Variants in KCNE2 observed in about 807,000 individuals in gnomAD.
The protein encoded by KCNE2 is potassium voltage-gated channel subfamily E regulatory subunit 2, also known as potassium voltage-gated channel subfamily E member 2.
KCNE2 carries 4 observed loss-of-function variants against 4.5 expected under a neutral mutation model. That is an observed-to-expected ratio of 0.89 (90% confidence interval 0.44 to 2.03). The LOEUF (loss-of-function observed/expected upper bound fraction) is 2.03. Among genes scored for constraint, KCNE2 ranks in the 30% most tolerant of loss-of-function variants. The probability of loss-of-function intolerance (pLI) is 0.03; values close to 1 mark genes in which losing one functional copy is unlikely to be tolerated. For synonymous variants in KCNE2, 57 were observed against 55.9 expected, an observed-to-expected ratio of 1.02 and a Z score of -0.09; for missense variants, 137 against 151.4, an observed-to-expected ratio of 0.90 and a Z score of 0.50.
At chr21:34,367,585 A>T (rs1000325022) in intron 1 of KCNE2, among the ~76,000 whole-genome samples, 2 of 152,222 alleles carry the variant, frequency 1.3e-5, no homozygotes, top group African/African-American at 4.8e-5. Flanking sequence ...CATCAGACAG[A>T]GAAGAGTATA....
At chr21:34,364,449 G>A (rs572366821) in intron 1 of KCNE2, among the ~76,000 whole-genome samples, 1 of 152,292 alleles carries the variant, frequency 6.6e-6, no homozygotes, top group Non-Finnish European at 1.5e-5. Context: ...CCCAGGTGAT[G>A]TGAGCGATCT....
rs751248501 is a variant in KCNE2, at chr21:34,370,589, C to T, written c.111C>T (p.Leu37=). ...ACACAACAGCTGAGCAAGAGGCCCT[C>T]CAAGCCAAAGTTGATGCTGAGAACT... ...RQNTTAEQEA[L]QAKVDAENFY... Residue 37 remains leucine, a synonymous_variant, in exon 2 of 2, where the codon CTC becomes CTT. Transcript: ENST00000290310. 6.2e-7 allele frequency: 1 copy of T among 1,614,184 alleles called. No individual in the cohort carries two copies. Among genetic ancestry groups the T allele is most frequent in the East Asian group, 2.2e-5 (1 of 44,892 alleles).
intron 1 of KCNE2, among the ~76,000 whole-genome samples, chr21:34,367,914 T>C (rs1000675443): frequency 1.3e-5 from 2 of 152,042 alleles, no homozygotes; most frequent in African/African-American, 4.8e-5. Context: ...CTATGAACCG[T>C]GTTCAGCTCC....
intron 1 of KCNE2, among the ~76,000 whole-genome samples, chr21:34,364,935 T>C (rs1351349255): frequency 6.6e-6 from 1 of 152,196 alleles, no homozygotes. Flanking sequence ...AGGGCACAAC[T>C]AATGACATGT....
At chr21:34,366,525 G>A (rs1004525947) in intron 1 of KCNE2, among the ~76,000 whole-genome samples, 3 of 151,946 alleles carry the variant, frequency 2.0e-5, no homozygotes, top group African/African-American at 7.3e-5. Flanking sequence ...GTAGGGTCCC[G>A]GGATTCAGAG....
rs1235701363 is a variant in KCNE2, at chr21:34,370,811, T to C, written c.333T>C (p.His111=). ...TAGAAGAATCGAAGGCCACCATCCA[T>C]GAGAACATTGGTGCGGCTGGGTTCA... The part of the protein sequence containing the change: ...LNLEESKATI[H]ENIGAAGFKM... Residue 111 remains histidine, a synonymous_variant, in exon 2 of 2, where the codon CAT becomes CAC. Transcript: ENST00000290310. 6 of 1,612,914 alleles carry C rather than the reference T, an allele frequency of 3.7e-6. No homozygotes were observed. In the African/African-American group the frequency reaches 5.3e-5, roughly 14 times the overall value.
At chr21:34,367,433 G>A (rs929810098) in intron 1 of KCNE2, among the ~76,000 whole-genome samples, 2 of 152,178 alleles carry the variant, frequency 1.3e-5, no homozygotes, top group African/African-American at 4.8e-5. Context: ...GCACATCTCT[G>A]TTACATTGCT....
Position 34,370,539 on chromosome 21 carries a change from A to ACAACTT in KCNE2, c.62_63insAACTTC (p.Thr21_Tyr22insThrSer). ...AGACGTCTTCCGAAGGATTTTTATT[A>ACAACTT]CTTATATGGACAATTGGCGCCAGAA... On this transcript the variant is annotated inframe_insertion, in exon 2 of 2. Coordinates refer to ENST00000290310, the MANE Select transcript of KCNE2 (RefSeq NM_172201.2). 1 of 1,614,180 alleles carries ACAACTT rather than the reference A, an allele frequency of 6.2e-7. No homozygotes were observed. Among genetic ancestry groups the ACAACTT allele is most frequent in the Non-Finnish European group, 8.5e-7 (1 of 1,180,036 alleles).
chr21:34,366,768 A>G (rs1250739689), intron 1 of KCNE2, among the ~76,000 whole-genome samples: 1 of 151,294 alleles, frequency 6.6e-6, no homozygotes, highest in East Asian at 2.0e-4. Context: ...TCACGAGGTC[A>G]GGAGATCGAG....
At position 34,370,997 on chromosome 21, in the gene KCNE2, C is replaced by A; in HGVS notation, c.*147C>A. On this transcript the variant is annotated 3_prime_UTR_variant, in exon 2 of 2. Transcript: ENST00000290310. ...TTTTCATGGAGATTATGTGGTTGGCCAATAAAGATAGATGACATTTCAATC... is the reference window on the plus strand; with the variant it reads ...TTTTCATGGAGATTATGTGGTTGGCAAATAAAGATAGATGACATTTCAATC... The A allele has an allele frequency of 1.0e-6, 1 of 967,558 alleles. No homozygotes were observed. The highest frequency in any genetic ancestry group is 1.6e-6 in the Non-Finnish European group (1 of 626,140). The allele number at this position is 967,558 out of a possible 1,614,324, so 59.9% of individuals were successfully genotyped here.
At chr21:34,369,880 C>T (rs1158207086) in intron 1 of KCNE2, among the ~76,000 whole-genome samples, 1 of 152,156 alleles carries the variant, frequency 6.6e-6, no homozygotes, top group Non-Finnish European at 1.5e-5. Flanking sequence ...TCTGTCAATG[C>T]CCCCTGCAAT....
At chr21:34,366,803 C>A (rs942539400) in intron 1 of KCNE2, among the ~76,000 whole-genome samples, 1 of 151,098 alleles carries the variant, frequency 6.6e-6, no homozygotes, top group Non-Finnish European at 1.5e-5. Flanking sequence ...CATGGTGAAA[C>A]CCCGTCTGTA....
At chr21:34,364,200 G>C (rs999538522) in intron 1 of KCNE2, 49 bp downstream of exon 1, 9 of 152,140 alleles carry the variant, frequency 5.9e-5, no homozygotes, top group Non-Finnish European at 1.3e-4. Context: ...AAGTAACAAA[G>C]TTATCTATGT....
At chr21:34,367,773 A>G (rs1979372758) in intron 1 of KCNE2, among the ~76,000 whole-genome samples, 1 of 152,112 alleles carries the variant, frequency 6.6e-6, no homozygotes, top group Non-Finnish European at 1.5e-5. Context: ...CATGCTAAAG[A>G]GACGGGCATG....
At chr21:34,368,229 A>ATATATATATATAT (rs781775671) in intron 1 of KCNE2, among the ~76,000 whole-genome samples, 41 of 84,764 alleles carry the variant, frequency 4.8e-4, no homozygotes, top group African/African-American at 1.4e-3. Context: ...ACACACACAC[A>ATATATATATATAT]ATATATATAT....
intron 1 of KCNE2, among the ~76,000 whole-genome samples, chr21:34,367,159 CAAA>C (rs35381423): frequency 3.8e-5 from 3 of 79,750 alleles, no homozygotes; most frequent in Non-Finnish European, 5.1e-5. Flanking sequence ...GACCCCATCT[CAAA>C]AAAAAAAAAA....
chr21:34,370,773 C>G lies in KCNE2; in HGVS notation c.295C>G (p.Gln99Glu). The G allele has an allele frequency of 6.2e-7, 1 of 1,614,166 alleles. No individual in the cohort carries two copies. Among genetic ancestry groups the G allele is most frequent in the Non-Finnish European group, 8.5e-7 (1 of 1,180,024 alleles). Reference sequence around the variant, plus strand: ...GGACTGGCAGGAAAAGTACAAGAGCCAAATCTTGAATCTAGAAGAATCGAA... The same window carrying G: ...GGACTGGCAGGAAAAGTACAAGAGCGAAATCTTGAATCTAGAAGAATCGAA... ...VEDWQEKYKS[Q>E]ILNLEESKAT... The change falls in exon 2 of 2, where the codon CAA becomes GAA. Residue 99 changes from glutamine to glutamate, a missense_variant. Coordinates refer to ENST00000290310, the MANE Select transcript of KCNE2 (RefSeq NM_172201.2).
chr21:34,371,020 A>G lies in KCNE2; in HGVS notation c.*170A>G, dbSNP rs1979569739. 1 of 800,938 alleles carries G rather than the reference A, an allele frequency of 1.2e-6. No individual in the cohort carries two copies. The highest frequency in any genetic ancestry group is 1.7e-5 in the African/African-American group (1 of 57,904). The allele number at this position is 800,938 out of a possible 1,614,324, so 49.6% of individuals were successfully genotyped here. On this transcript the variant is annotated 3_prime_UTR_variant, in exon 2 of 2. Coordinates refer to ENST00000290310, the MANE Select transcript of KCNE2 (RefSeq NM_172201.2). ...GCCAATAAAGATAGATGACATTTCA[A>G]TCTCAGTGATTTATGCTTGCTTGTT...
intron 1 of KCNE2, among the ~76,000 whole-genome samples, chr21:34,367,010 A>C (rs1475159741): frequency 1.3e-5 from 2 of 150,614 alleles, no homozygotes; most frequent in African/African-American, 4.9e-5. Context: ...AAGGAAAAAA[A>C]CAAAACTAAC....
Sources: gnomAD v4.1 joint callset for allele counts (sites outside exome capture counted in the v4.1 genomes callset) on GRCh38, gnomAD v4.1.1 for gene constraint, MANE v1.5 for transcripts, NCBI Gene and HGNC (gene_info 2026-07-23, HGNC 2026-07-21) for gene names.